Variants in LIPA observed in about 807,000 individuals in gnomAD.
The protein encoded by LIPA is lysosomal acid lipase/cholesteryl ester hydrolase.
LIPA carries 26 observed loss-of-function variants against 40.6 expected under a neutral mutation model. That is an observed-to-expected ratio of 0.64 (90% CI 0.47 to 0.89). The LOEUF is 0.89. Ranked by LOEUF, LIPA falls within the 40% of genes least tolerant of loss-of-function variation. The pLI is 0.00. For missense variants in LIPA, 455 were observed against 479.6 expected (o/e 0.95, Z 0.48); for synonymous variants, 188 against 168.4 (o/e 1.12, Z -0.90).
intron 1 of LIPA, among the ~76,000 whole-genome samples, chr10:89,269,433 G>T (rs1003342014): frequency 1.3e-5 from 2 of 151,982 alleles, no homozygotes; most frequent in Admixed American, 6.6e-5. Flanking sequence ...AAACTTTTAG[G>T]TCTAATGTAG....
At chr10:89,363,940 C>T (rs1188669348) in intron 2 of LIPA, among the ~76,000 whole-genome samples, 1 of 152,152 alleles carries the variant, frequency 6.6e-6, no homozygotes, top group East Asian at 1.9e-4. Context: ...CTCCTTCACA[C>T]ATTGAAAGGG....
intron 2 of LIPA, among the ~76,000 whole-genome samples, chr10:89,378,776 C>G (rs6586192): frequency 0.088 from 13,352 of 152,238 alleles, 1,515 homozygotes; most frequent in African/African-American, 0.26. Flanking sequence ...TTCCTAACTC[C>G]TGTTACAGAG....
At chr10:89,386,966 TGTGTGTGA>T (rs957941692) in intron 2 of LIPA, among the ~76,000 whole-genome samples, 13 of 80,254 alleles carry the variant, frequency 1.6e-4, no homozygotes, top group African/African-American at 5.6e-4. Flanking sequence ...TGTGTGTGTG[TGTGTGTGA>T]GAGAGAGAGA....
At position 89,247,350 on chromosome 10, in the gene LIPA, C is replaced by G. The variant is rs903656040; in HGVS notation, c.111+188G>C. Among the ~76,000 whole-genome samples the G allele has an allele frequency of 3.3e-5, 4 of 121,168 alleles. No homozygotes were observed. In the East Asian group the frequency reaches 1.1e-3, roughly 34 times the overall value. 79.5% of individuals were successfully genotyped at this position (121,168 alleles called of 152,430 possible). A position where few individuals can be genotyped will look rare whatever the true frequency, so the allele number is the denominator to read the frequency against. ...TCACACCACTGCACTCCAGCCTGGG[C>G]GGGCAGGTGACAGAGTAAGACTCTG... On this transcript the variant is annotated intron_variant, in intron 2 of 9. Coordinates refer to ENST00000336233, the MANE Select transcript of LIPA (RefSeq NM_000235.4).
intron 1 of LIPA, chr10:89,339,897 A>C (rs761060205): frequency 8.1e-6 from 13 of 1,614,174 alleles, no homozygotes; most frequent in South Asian, 1.1e-5. Flanking sequence ...CACAAAATGC[A>C]CCAAATTATT....
intron 2 of LIPA, among the ~76,000 whole-genome samples, chr10:89,351,055 C>A (rs1405024741): frequency 6.6e-6 from 1 of 152,204 alleles, no homozygotes; most frequent in Non-Finnish European, 1.5e-5. Flanking sequence ...GTGGCTCACG[C>A]CTGTAATCCC....
At chr10:89,251,123 T>C (rs1843113250) in intron 1 of LIPA, among the ~76,000 whole-genome samples, 1 of 152,206 alleles carries the variant, frequency 6.6e-6, no homozygotes, top group Admixed American at 6.5e-5. Context: ...TTTAAGCTCT[T>C]GCGAGGCGCC....
rs145845688 is a variant in LIPA, at chr10:89,310,436, C to T, written c.-2+32175G>A. Among the ~76,000 whole-genome samples, 599 of 152,276 alleles carry T rather than the reference C, an allele frequency of 3.9e-3. 2 individuals carry two copies. The highest frequency in any genetic ancestry group is 0.013 in the African/African-American group (558 of 41,560). On this transcript the variant is annotated intron_variant, in intron 1 of 5. Transcript: ENST00000282673. ...GCCTTGTGTTAGGATCCCTACCATA[C>T]GTGCAATCAACCTTGGATGCCAATC...
At chr10:89,307,295 C>G (rs1408859499) in intron 1 of LIPA, 1 of 1,613,900 alleles carries the variant, frequency 6.2e-7, no homozygotes, top group Admixed American at 1.7e-5. Context: ...TGAAAAAATG[C>G]AACAAGCAGA....
chr10:89,229,768 A>AG (rs1554866356), intron 3 of LIPA, among the ~76,000 whole-genome samples: 1 of 150,588 alleles, frequency 6.6e-6, no homozygotes, highest in Admixed American at 6.6e-5. Flanking sequence ...AAAAAAAAAA[A>AG]GGGAACCCTA....
chr10:89,335,115 C>A (rs1304733603), intron 1 of LIPA, among the ~76,000 whole-genome samples: 2 of 152,076 alleles, frequency 1.3e-5, no homozygotes, highest in African/African-American at 2.4e-5. Context: ...GATCAAGTAT[C>A]AAATACCTCA....
Position 89,242,106 on chromosome 10 carries a change from C to G in LIPA, c.229+3570G>C, listed in dbSNP as rs113451314. Among the ~76,000 whole-genome samples, 11 of 152,316 alleles carry G rather than the reference C, an allele frequency of 7.2e-5. 1 individual carries two copies. The highest frequency in any genetic ancestry group is 4.1e-4 in the South Asian group (2 of 4,826). ...TAGCCCAGGCAGGAATCTGAGATCCCTCCAGTGCTAACTCCCCATGACTTT... is the reference window on the plus strand; with the variant it reads ...TAGCCCAGGCAGGAATCTGAGATCCGTCCAGTGCTAACTCCCCATGACTTT... On this transcript the variant is annotated intron_variant, in intron 3 of 9. Coordinates refer to ENST00000336233, the MANE Select transcript of LIPA (RefSeq NM_000235.4).
At chr10:89,343,577 G>C (rs1324531623), upstream of LIPA, among the ~76,000 whole-genome samples, 9 of 152,290 alleles carry the variant, frequency 5.9e-5, no homozygotes, top group Non-Finnish European at 7.4e-5. Flanking sequence ...TTCTTCGGAG[G>C]CCCTTCCAAT....
chr10:89,267,728 A>AT (rs1843244935), intron 1 of LIPA, among the ~76,000 whole-genome samples: 1 of 92,976 alleles, frequency 1.1e-5, no homozygotes, highest in Non-Finnish European at 2.1e-5. Flanking sequence ...TTAAAGTATA[A>AT]TAAAAAAAAA....
chr10:89,239,216 G>T (rs1017172632), intron 3 of LIPA, among the ~76,000 whole-genome samples: 2 of 152,202 alleles, frequency 1.3e-5, no homozygotes, highest in Non-Finnish European at 2.9e-5. Context: ...ACTTTCCACA[G>T]TGTGACTTTA....
intron 1 of LIPA, among the ~76,000 whole-genome samples, chr10:89,336,162 G>A (rs1843736106): frequency 6.9e-6 from 1 of 144,406 alleles, no homozygotes; most frequent in African/African-American, 2.5e-5. Context: ...GGGAGGAAGG[G>A]AGGGAGGGAG....
chr10:89,259,871 G>A (rs1843198182), intron 1 of LIPA, among the ~76,000 whole-genome samples: 1 of 152,196 alleles, frequency 6.6e-6, no homozygotes, highest in Non-Finnish European at 1.5e-5. Flanking sequence ...GTTTCCTGGA[G>A]AGGGGACATT....
chr10:89,378,045 T>C (rs1844135069), intron 2 of LIPA: 3 of 1,405,632 alleles, frequency 2.1e-6, no homozygotes, highest in Non-Finnish European at 2.0e-6. Flanking sequence ...CATGCTTATC[T>C]GAGAAGCCCT....
intron 3 of LIPA, among the ~76,000 whole-genome samples, chr10:89,236,798 T>A (rs1589565001): frequency 6.6e-6 from 1 of 152,238 alleles, no homozygotes; most frequent in Admixed American, 6.5e-5. Flanking sequence ...ATTGCTCTAA[T>A]ATGATTCTAG....
Sources: allele counts gnomAD v4.1 joint callset (sites outside exome capture counted in the v4.1 genomes callset), GRCh38; gene constraint gnomAD v4.1.1; transcripts MANE v1.5; gene names NCBI Gene and HGNC (gene_info 2026-07-23, HGNC 2026-07-21).